PTTG1: variants seen among roughly 807,000 people sequenced by gnomAD.
The protein encoded by PTTG1 is securin.
In PTTG1, 8 loss-of-function variants were observed where a neutral mutation model predicts 20.0. That is an observed-to-expected ratio of 0.40 (90% CI 0.23 to 0.72). PTTG1 has a LOEUF of 0.72. Among genes scored for constraint, PTTG1 ranks in the 30% least tolerant of loss-of-function variants. The pLI is 0.38. For missense variants in PTTG1, 197 were observed against 236.0 expected (o/e 0.83, Z 1.08); for synonymous variants, 79 against 87.2 (o/e 0.91, Z 0.52).
chr5:160,426,598 C>T (rs1279286553), intron 4 of PTTG1, among the ~76,000 whole-genome samples: 1 of 152,180 alleles, frequency 6.6e-6, no homozygotes, highest in Non-Finnish European at 1.5e-5. Context: ...TTGCATTGAC[C>T]ATTCAGAAAT....
At chr5:160,422,188 C>A in intron 1 of PTTG1, 114 bp from the exon 2 acceptor site, 1 of 712,734 alleles carries the variant, frequency 1.4e-6, no homozygotes, top group Non-Finnish European at 2.5e-6. Flanking sequence ...GACTGTTCCG[C>A]TGTTTAGCTC....
rs777914799 is a variant in PTTG1, at chr5:160,428,726, C to T, written c.*45C>T. ...TTTGTGTGTATTTGTATTAATAAAG[C>T]ATTCTTTAACAGATTCTTCCTAGTA... On this transcript the variant is annotated 3_prime_UTR_variant, in exon 6 of 6. Transcript: ENST00000352433. The T allele has an allele frequency of 2.0e-6, 3 of 1,516,408 alleles. No individual in the cohort carries two copies. Among genetic ancestry groups the T allele is most frequent in the South Asian group, 1.1e-5 (1 of 88,634 alleles). The allele number at this position is 1,516,408 out of a possible 1,614,324, so 93.9% of individuals were successfully genotyped here. A position where few individuals can be genotyped will look rare whatever the true frequency, so the allele number is the denominator to read the frequency against.
intron 4 of PTTG1, 93 bp downstream of exon 4, chr5:160,424,423 C>A: frequency 1.1e-6 from 1 of 880,548 alleles, no homozygotes; most frequent in Non-Finnish European, 1.8e-6. Context: ...AATATATGAC[C>A]AAAAACTATG....
In PTTG1 at chr5:160,427,768, A is replaced by C. The variant is rs1054748669; in HGVS notation, c.424A>C (p.Ser142Arg). Residue 142 changes from serine to arginine, a missense_variant, in exon 5 of 6, where the codon AGT becomes CGT. Ser to Arg is a moderately radical substitution (Grantham distance 110). Transcript: ENST00000352433. Reference protein sequence around the residue: ...EEHQIAHLPLSGVPLMILDEE... With the variant: ...EEHQIAHLPLRGVPLMILDEE... ...GCACCAGATTGCGCACCTCCCCTTG[A>C]GTGGAGTGCCTCTCATGATCCTTGA... 22 of 1,614,004 alleles carry C rather than the reference A, an allele frequency of 1.4e-5. No individual in the cohort carries two copies. The African/African-American group carries it at 2.4e-4, about 18-fold the overall frequency.
At chr5:160,428,580 A>T (rs759171171) in intron 5 of PTTG1, 22 bp from the exon 6 acceptor site, 1 of 1,606,466 alleles carries the variant, frequency 6.2e-7, no homozygotes, top group South Asian at 1.1e-5. Context: ...AGAAATTTTA[A>T]TAAGAGATTC....
intron 4 of PTTG1, among the ~76,000 whole-genome samples, chr5:160,426,505 A>T (rs1765811735): frequency 6.6e-6 from 1 of 152,258 alleles, no homozygotes; most frequent in Non-Finnish European, 1.5e-5. Flanking sequence ...CTGAAACCGT[A>T]TCAATGAGCA....
chr5:160,423,049 T>C (rs1765746074), intron 3 of PTTG1, 156 bp downstream of exon 3: 1 of 731,190 alleles, frequency 1.4e-6, no homozygotes, highest in African/African-American at 1.8e-5. Flanking sequence ...ATTGTCCTTG[T>C]GGACTTCTTG....
At chr5:160,422,152 T>G in intron 1 of PTTG1, 150 bp from the exon 2 acceptor site, 2 of 612,448 alleles carry the variant, frequency 3.3e-6, no homozygotes, top group Non-Finnish European at 5.8e-6. Context: ...GAGAGCTGGA[T>G]TAAGTACTTG....
intron 4 of PTTG1, among the ~76,000 whole-genome samples, chr5:160,426,813 C>T (rs537689458): frequency 4.6e-5 from 7 of 152,250 alleles, no homozygotes; most frequent in South Asian, 4.1e-4. Context: ...GGAGGCAAGG[C>T]GGGCGGATCA....
At chr5:160,423,791 C>G (rs564691938) in intron 3 of PTTG1, among the ~76,000 whole-genome samples, 1 of 152,302 alleles carries the variant, frequency 6.6e-6, no homozygotes, top group South Asian at 2.1e-4. Context: ...TTGACAGTGT[C>G]TTGCTGCCTC....
At position 160,428,720 on chromosome 5, in the gene PTTG1, A is replaced by C. The variant is rs1425648201; in HGVS notation, c.*39A>C. On this transcript the variant is annotated 3_prime_UTR_variant, in exon 6 of 6. Transcript: ENST00000352433. ...TCAGAGTTTGTGTGTATTTGTATTA[A>C]TAAAGCATTCTTTAACAGATTCTTC... The C allele has an allele frequency of 9.0e-6, 14 of 1,550,334 alleles. No individual in the cohort carries two copies. Among genetic ancestry groups the C allele is most frequent in the Non-Finnish European group, 1.2e-5 (14 of 1,123,240 alleles).
At chr5:160,424,536 T>G in intron 4 of PTTG1, 1 of 491,058 alleles carries the variant, frequency 2.0e-6, no homozygotes, top group South Asian at 2.8e-5. Context: ...AACAAAGATG[T>G]AGAAGACATT....
At position 160,428,384 on chromosome 5, in the gene PTTG1, GAAC is replaced by G. The variant is rs1168288558; in HGVS notation, c.530-215_530-213del. Among the ~76,000 whole-genome samples the G allele has an allele frequency of 3.9e-5, 6 of 152,298 alleles. No individual in the cohort carries two copies. The East Asian group carries it at 1.2e-3, about 29-fold the overall frequency. On this transcript the variant is annotated intron_variant, in intron 5 of 5. Transcript: ENST00000352433. ...TGTTAACTCTTACTTTGGTCTCTAA[GAAC>G]AATAGAGATTCAGATACTTCTAAAA...
At chr5:160,422,186 C>G (rs563500083) in intron 1 of PTTG1, 116 bp from the exon 2 acceptor site, 2 of 705,764 alleles carry the variant, frequency 2.8e-6, no homozygotes, top group East Asian at 5.4e-5. Context: ...GTGACTGTTC[C>G]GCTGTTTAGC....
At chr5:160,424,808 G>A (rs1019753025) in intron 4 of PTTG1, 4 of 153,198 alleles carry the variant, frequency 2.6e-5, no homozygotes, top group Non-Finnish European at 5.8e-5. Context: ...AGCTTTTCAA[G>A]CTTTAATTTA....
chr5:160,424,167 C>A, intron 3 of PTTG1, 70 bp from the exon 4 acceptor site: 3 of 1,170,064 alleles, frequency 2.6e-6, no homozygotes, highest in Non-Finnish European at 2.4e-6. Context: ...ATGAAATTGA[C>A]AAATTTAAAA....
chr5:160,422,289 T>A lies in PTTG1; in HGVS notation c.-11-13T>A. ...ACCTTCCCCAATATCTAATATGTATTTCTCATTCTTAGAATAATCCAGAAT... is the reference window on the plus strand; with the variant it reads ...ACCTTCCCCAATATCTAATATGTATATCTCATTCTTAGAATAATCCAGAAT... On this transcript the variant is annotated splice_polypyrimidine_tract_variant and intron_variant, in intron 1 of 5. Coordinates refer to ENST00000352433, the MANE Select transcript of PTTG1 (RefSeq NM_004219.4). The A allele has an allele frequency of 6.3e-7, 1 of 1,583,380 alleles. No homozygotes were observed. The highest frequency in any genetic ancestry group is 8.7e-7 in the Non-Finnish European group (1 of 1,152,004).
At chr5:160,427,163 A>G (rs1201815508) in intron 4 of PTTG1, among the ~76,000 whole-genome samples, 1 of 152,206 alleles carries the variant, frequency 6.6e-6, no homozygotes, top group Admixed American at 6.5e-5. Flanking sequence ...TTTAAGAAAA[A>G]GTGTGACAAG....
chr5:160,424,939 C>CA (rs1765779773), intron 4 of PTTG1, among the ~76,000 whole-genome samples: 1 of 152,118 alleles, frequency 6.6e-6, no homozygotes, highest in African/African-American at 2.4e-5. Context: ...AGATGCTGGA[C>CA]AAGTCATCTC....
Sources: gnomAD v4.1 joint callset for allele counts (sites outside exome capture counted in the v4.1 genomes callset) on GRCh38, gnomAD v4.1.1 for gene constraint, MANE v1.5 for transcripts, NCBI Gene and HGNC (gene_info 2026-07-23, HGNC 2026-07-21) for gene names.